Variants in ATG5 observed in about 807,000 individuals in gnomAD.
ATG5 encodes the protein autophagy protein 5.
Under a neutral mutation model 36.5 loss-of-function variants are expected in ATG5, and 14 were observed. That is an observed-to-expected ratio of 0.38 (90% CI 0.25 to 0.60). The LOEUF is 0.60. ATG5 is among the 20% of genes least tolerant of loss of function. The pLI, the probability that ATG5 is intolerant of heterozygous loss-of-function variation, is 0.60. For missense variants in ATG5, 195 were observed against 326.7 expected (o/e 0.60, Z 3.11); for synonymous variants, 95 against 101.5 (o/e 0.94, Z 0.38).
intron 5 of ATG5, among the ~76,000 whole-genome samples, chr6:106,252,741 G>A (rs1482812380): frequency 1.3e-5 from 2 of 152,028 alleles, no homozygotes; most frequent in African/African-American, 4.8e-5. Context: ...AATTCAGCTG[G>A]CTAGGACCCT....
At position 106,186,351 on chromosome 6, in the gene ATG5, A is replaced by G. The variant is rs1187842807; in HGVS notation, c.*189T>C. The G allele has an allele frequency of 1.7e-6, 1 of 594,840 alleles. No individual in the cohort carries two copies. Among genetic ancestry groups the G allele is most frequent in the Non-Finnish European group, 2.9e-6 (1 of 346,392 alleles). 36.8% of individuals were successfully genotyped at this position (594,840 alleles called of 1,614,324 possible). A position where few individuals can be genotyped will look rare whatever the true frequency, so the allele number is the denominator to read the frequency against. ...AGGTTTAATGATGGCAGTGGAGGAA[A>G]GCAGAGGTGATGCAAAGTAAGACCA... On this transcript the variant is annotated 3_prime_UTR_variant, in exon 8 of 8. Transcript: ENST00000369076.
At chr6:106,197,528 T>TG (rs958426076) in intron 7 of ATG5, among the ~76,000 whole-genome samples, 1,292 of 54,852 alleles carry the variant, frequency 0.024, 16 homozygotes, top group African/African-American at 0.068. Flanking sequence ...TGGGTTGGGG[T>TG]GGGGGGGGCG....
At chr6:106,225,084 C>T (rs1448922944) in intron 6 of ATG5, among the ~76,000 whole-genome samples, 1 of 152,148 alleles carries the variant, frequency 6.6e-6, no homozygotes, top group Non-Finnish European at 1.5e-5. Flanking sequence ...CTATAGTGTG[C>T]AATTTAATTT....
At chr6:106,211,471 GA>G (rs1165189688) in intron 6 of ATG5, among the ~76,000 whole-genome samples, 1 of 152,242 alleles carries the variant, frequency 6.6e-6, no homozygotes, top group Non-Finnish European at 1.5e-5. Context: ...AGCACTTTGG[GA>G]GGCTGAGGCG....
chr6:106,309,457 C>T (rs1350494988), intron 2 of ATG5, among the ~76,000 whole-genome samples: 1 of 152,052 alleles, frequency 6.6e-6, no homozygotes, highest in Non-Finnish European at 1.5e-5. Flanking sequence ...AGATAGTTGG[C>T]ATGCTCCAGT....
At chr6:106,306,272 C>T (rs538061957) in intron 3 of ATG5, among the ~76,000 whole-genome samples, 2 of 152,108 alleles carry the variant, frequency 1.3e-5, no homozygotes, top group Non-Finnish European at 2.9e-5. Context: ...ACCCATAAAC[C>T]TATAAAATAT....
chr6:106,317,282 C>T (rs370452838), intron 1 of ATG5, among the ~76,000 whole-genome samples: 2 of 152,154 alleles, frequency 1.3e-5, no homozygotes, highest in East Asian at 1.9e-4. Flanking sequence ...TATTTCTCAT[C>T]TTTGATAGGC....
intron 6 of ATG5, among the ~76,000 whole-genome samples, chr6:106,226,867 A>T (rs1777470537): frequency 6.6e-6 from 1 of 152,174 alleles, no homozygotes; most frequent in Admixed American, 6.5e-5. Flanking sequence ...TGATTTGGGC[A>T]GCCAGAAGAA....
At chr6:106,238,924 G>A (rs1778000172) in intron 6 of ATG5, among the ~76,000 whole-genome samples, 1 of 152,222 alleles carries the variant, frequency 6.6e-6, no homozygotes, top group East Asian at 1.9e-4. Flanking sequence ...AAAAAAAAGT[G>A]GAGGGGGGGA....
At chr6:106,240,018 G>A (rs890584539) in intron 6 of ATG5, among the ~76,000 whole-genome samples, 2 of 151,584 alleles carry the variant, frequency 1.3e-5, no homozygotes, top group African/African-American at 2.4e-5. Flanking sequence ...TTTGAGACGG[G>A]GTCTTGCTCT....
chr6:106,306,000 A>ATAG (rs1491297292), intron 3 of ATG5, among the ~76,000 whole-genome samples: 1 of 152,242 alleles, frequency 6.6e-6, no homozygotes, highest in East Asian at 1.9e-4. Flanking sequence ...ATCAAAAGTC[A>ATAG]TATAGCTACA....
intron 2 of ATG5, among the ~76,000 whole-genome samples, chr6:106,313,106 T>C (rs1203775693): frequency 1.3e-5 from 2 of 152,212 alleles, no homozygotes; most frequent in African/African-American, 4.8e-5. Flanking sequence ...GAAGATCAGA[T>C]ACCACCAGCT....
intron 4 of ATG5, among the ~76,000 whole-genome samples, chr6:106,287,802 T>A (rs1374474272): frequency 2.0e-5 from 3 of 152,096 alleles, no homozygotes; most frequent in African/African-American, 7.2e-5. Flanking sequence ...TTTTTAATTT[T>A]AAAAAATCTA....
chr6:106,251,099 G>A (rs1323952871), intron 5 of ATG5, among the ~76,000 whole-genome samples: 6 of 152,192 alleles, frequency 3.9e-5, no homozygotes, highest in Non-Finnish European at 2.9e-5. Context: ...ACTAATGGGC[G>A]CTTGCCCTTA....
chr6:106,225,491 T>G (rs1777419744), intron 6 of ATG5, among the ~76,000 whole-genome samples: 1 of 151,666 alleles, frequency 6.6e-6, no homozygotes, highest in Non-Finnish European at 1.5e-5. Context: ...TTTAAAACTT[T>G]AAAAAACACC....
intron 5 of ATG5, among the ~76,000 whole-genome samples, chr6:106,266,013 G>A (rs1779214863): frequency 6.7e-6 from 1 of 150,072 alleles, no homozygotes; most frequent in South Asian, 2.1e-4. Flanking sequence ...AATTGAAGGA[G>A]ATGGAGACAT....
At chr6:106,236,356 C>A (rs1343762610) in intron 6 of ATG5, among the ~76,000 whole-genome samples, 1 of 152,114 alleles carries the variant, frequency 6.6e-6, no homozygotes, top group East Asian at 1.9e-4. Context: ...GCTGTTAGAA[C>A]TGTTGGATCA....
intron 5 of ATG5, among the ~76,000 whole-genome samples, chr6:106,256,986 C>T (rs540386265): frequency 7.9e-5 from 12 of 152,240 alleles, no homozygotes; most frequent in Admixed American, 1.3e-4. Flanking sequence ...CACGTACAGC[C>T]GCATAAAAAC....
chr6:106,299,008 C>T (rs1770096679), intron 3 of ATG5, among the ~76,000 whole-genome samples: 1 of 152,178 alleles, frequency 6.6e-6, no homozygotes, highest in Non-Finnish European at 1.5e-5. Flanking sequence ...ACAGAAACCA[C>T]ATATACCCTA....
Sources: gnomAD v4.1 joint callset for allele counts (sites outside exome capture counted in the v4.1 genomes callset) on GRCh38, gnomAD v4.1.1 for gene constraint, MANE v1.5 for transcripts, NCBI Gene and HGNC (gene_info 2026-07-23, HGNC 2026-07-21) for gene names.